PIGB: variants seen among roughly 807,000 people sequenced by gnomAD.
PIGB encodes the protein GPI alpha-1,2-mannosyltransferase 3.
A neutral mutation model predicts 68.4 loss-of-function variants in PIGB; 58 were observed. The ratio of observed to expected loss-of-function variants is 0.85; its 90% CI spans 0.69 to 1.06. The LOEUF is 1.06. PIGB is among the 50% of genes least tolerant of loss of function. The pLI is 0.00. For missense variants in PIGB, 634 were observed against 655.8 expected, an observed-to-expected ratio of 0.97 and a Z score of 0.36; for synonymous variants, 219 against 220.5, an observed-to-expected ratio of 0.99 and a Z score of 0.06.
At chr15:55,353,364 C>T (rs189453967) in intron 10 of PIGB, among the ~76,000 whole-genome samples, 1 of 152,316 alleles carries the variant, frequency 6.6e-6, no homozygotes, top group African/African-American at 2.4e-5. Context: ...GAAACAAGAC[C>T]TTCATTTCCA....
chr15:55,331,513 A>C (rs1402429289), intron 5 of PIGB, among the ~76,000 whole-genome samples: 2 of 152,124 alleles, frequency 1.3e-5, no homozygotes, highest in Non-Finnish European at 2.9e-5. Flanking sequence ...CGGGAGTTCG[A>C]GACCAGCCTG....
chr15:55,354,566 C>T (rs764124197), intron 10 of PIGB: 19 of 431,034 alleles, frequency 4.4e-5, no homozygotes, highest in Non-Finnish European at 5.7e-5. Flanking sequence ...GACTTCTATG[C>T]ACTAGTTTGG....
chr15:55,355,042 T>C, intron 11 of PIGB, 64 bp downstream of exon 11: 1 of 1,318,212 alleles, frequency 7.6e-7, no homozygotes, highest in Non-Finnish European at 1.1e-6. Flanking sequence ...TAGGAAACCC[T>C]CAGGTAAATA....
At position 55,350,917 on chromosome 15, in the gene PIGB, T is replaced by C; in HGVS notation, c.1337+5T>C. Reference sequence around the variant, plus strand: ...CCACTCTACTCCTTATTACAGGTAATAAAAGATGTTCCACTATATGCTGTT... The same window carrying C: ...CCACTCTACTCCTTATTACAGGTAACAAAAGATGTTCCACTATATGCTGTT... On this transcript the variant is annotated splice_donor_5th_base_variant and intron_variant, in intron 10 of 11. Transcript: ENST00000164305. 2.8e-6 allele frequency: 4 copies of C among 1,434,506 alleles called. No homozygotes were observed. The highest frequency in any genetic ancestry group is 3.9e-6 in the Non-Finnish European group (4 of 1,023,480). The allele number at this position is 1,434,506 out of a possible 1,614,324, so 88.9% of individuals were successfully genotyped here. A position where few individuals can be genotyped will look rare whatever the true frequency, so the allele number is the denominator to read the frequency against.
intron 6 of PIGB, among the ~76,000 whole-genome samples, chr15:55,338,869 C>T (rs2055597417): frequency 6.6e-6 from 1 of 152,166 alleles, no homozygotes. Flanking sequence ...TCAGATGAAA[C>T]TGTAGCCCCT....
intron 4 of PIGB, among the ~76,000 whole-genome samples, chr15:55,328,561 C>T (rs1286935929): frequency 6.6e-6 from 1 of 152,152 alleles, no homozygotes; most frequent in East Asian, 1.9e-4. Context: ...CTAATTGATT[C>T]AGCAATATGG....
chr15:55,340,583 T>C, intron 7 of PIGB, 29 bp from the exon 8 acceptor site: 1 of 1,493,550 alleles, frequency 6.7e-7, no homozygotes, highest in South Asian at 1.2e-5. Flanking sequence ...CTAACACATT[T>C]CTATTTATTT....
chr15:55,348,279 C>T (rs1302780489), intron 9 of PIGB: 2 of 152,304 alleles, frequency 1.3e-5, no homozygotes, highest in Admixed American at 6.5e-5. Flanking sequence ...GCCACAGCCC[C>T]CGGCCTTGAA....
chr15:55,322,043 G>A (rs575813375), intron 3 of PIGB, among the ~76,000 whole-genome samples: 24 of 151,880 alleles, frequency 1.6e-4, no homozygotes, highest in Non-Finnish European at 3.2e-4. Flanking sequence ...GTGTGGTCGC[G>A]CATGCCTGTA....
At chr15:55,330,428 T>C (rs1015344116) in intron 5 of PIGB, among the ~76,000 whole-genome samples, 1 of 152,222 alleles carries the variant, frequency 6.6e-6, no homozygotes, top group Non-Finnish European at 1.5e-5. Flanking sequence ...TAGGAAATAC[T>C]TGGACTTTAT....
chr15:55,351,197 T>C (rs2055914746), intron 10 of PIGB, among the ~76,000 whole-genome samples: 1 of 148,992 alleles, frequency 6.7e-6, no homozygotes, highest in Non-Finnish European at 1.5e-5. Context: ...AAGCTCCGCC[T>C]CCCAGGTTCA....
Position 55,355,365 on chromosome 15 carries a change from T to A in PIGB, c.1598T>A (p.Ile533Asn). ...CACACTCACTTGCCAGAGGGTCGAA[T>A]TGGAAGTCACATATATGTCTATGAA... Reference protein sequence around the residue: ...FFHTHLPEGRIGSHIYVYERK... With the variant: ...FFHTHLPEGRNGSHIYVYERK... Residue 533 changes from isoleucine (I) to asparagine (N), a missense_variant, in exon 12 of 12, where the codon ATT becomes AAT. Physicochemically the swap from Ile to Asn is moderately radical, Grantham distance 149. Transcript: ENST00000164305. 2 of 1,611,620 alleles carry A rather than the reference T, an allele frequency of 1.2e-6. No homozygotes were observed. Among genetic ancestry groups the A allele is most frequent in the Non-Finnish European group, 1.7e-6 (2 of 1,177,944 alleles).
At position 55,320,297 on chromosome 15, in the gene PIGB, T is replaced by A. The variant is rs1219450163; in HGVS notation, c.186T>A (p.Tyr62Ter). 6.2e-7 allele frequency: 1 copy of A among 1,613,078 alleles called. No homozygotes were observed. The highest frequency in any genetic ancestry group is 1.1e-5 in the South Asian group (1 of 91,000). Residue 62 changes from tyrosine (Y) to a stop codon, truncating the protein, a stop_gained, in exon 2 of 12, where the codon TAT (tyrosine) becomes TAA (stop). Coordinates refer to ENST00000164305, the MANE Select transcript of PIGB (RefSeq NM_004855.5). LOFTEE classifies it high-confidence loss of function. The part of the protein sequence containing the change: ...RRGDLLGENI[Y>*]LLLFTIALRI... Reference sequence around the variant, plus strand: ...CAGATCTTCTTGGAGAAAATATTTATCTGCTCTTGTTTACCATAGCTTTAC... The same window carrying A: ...CAGATCTTCTTGGAGAAAATATTTAACTGCTCTTGTTTACCATAGCTTTAC...
At chr15:55,348,116 A>C (rs2055841985) in intron 9 of PIGB, among the ~76,000 whole-genome samples, 1 of 149,890 alleles carries the variant, frequency 6.7e-6, no homozygotes, top group African/African-American at 2.5e-5. Context: ...AGCCTGCCTC[A>C]GCTGGGACTA....
At chr15:55,340,992 C>T (rs1180782022) in intron 8 of PIGB, among the ~76,000 whole-genome samples, 169 bp downstream of exon 8, 1 of 151,526 alleles carries the variant, frequency 6.6e-6, no homozygotes, top group Admixed American at 6.6e-5. Flanking sequence ...AGAGTGAATA[C>T]TTTAGATATG....
intron 5 of PIGB, among the ~76,000 whole-genome samples, chr15:55,331,248 G>A (rs934142703): frequency 9.2e-5 from 14 of 152,008 alleles, no homozygotes; most frequent in Non-Finnish European, 1.6e-4. Flanking sequence ...TTTCACACTG[G>A]CCAGCCTTAG....
At position 55,329,751 on chromosome 15, in the gene PIGB, A is replaced by G; in HGVS notation, c.550A>G (p.Thr184Ala). Residue 184 changes from threonine to alanine, a missense_variant, in exon 5 of 12, where the codon ACA (threonine) becomes GCA (alanine). Thr to Ala is a moderately conservative substitution (Grantham distance 58). Coordinates refer to ENST00000164305, the MANE Select transcript of PIGB (RefSeq NM_004855.5). ...VFFCQLCSWF[T>A]WYCCTRTLTN... Reference sequence around the variant, plus strand: ...TTTTTGCCAGTTGTGCTCCTGGTTCACATGGTATTGCTGTACCAGAACCCT... The same window carrying G: ...TTTTTGCCAGTTGTGCTCCTGGTTCGCATGGTATTGCTGTACCAGAACCCT... The G allele has an allele frequency of 1.2e-6, 2 of 1,610,828 alleles. No individual in the cohort carries two copies. Among genetic ancestry groups the G allele is most frequent in the Non-Finnish European group, 1.7e-6 (2 of 1,178,354 alleles).
rs148388509 is a variant in PIGB, at chr15:55,339,247, A to G, written c.795-20A>G. 4.4e-5 allele frequency: 67 copies of G among 1,536,836 alleles called. No homozygotes were observed. In the African/African-American group the frequency reaches 7.3e-4, roughly 17 times the overall value. On this transcript the variant is annotated intron_variant, in intron 6 of 11. Coordinates refer to ENST00000164305, the MANE Select transcript of PIGB (RefSeq NM_004855.5). ...CAGCAAGCTCCAAATGTGAATCACT[A>G]TGCTATTTTTGTTTTTCAGCTTTGT...
At position 55,355,351 on chromosome 15, in the gene PIGB, G is replaced by A. The variant is rs1202042495; in HGVS notation, c.1584G>A (p.Leu528=). Residue 528 remains leucine (L), a synonymous_variant, in exon 12 of 12, where the codon TTG becomes TTA. Coordinates refer to ENST00000164305, the MANE Select transcript of PIGB (RefSeq NM_004855.5). ...KRTAVFFHTH[L]PEGRIGSHIY... ...CTGCTGTTTTCTTCCACACTCACTT[G>A]CCAGAGGGTCGAATTGGAAGTCACA... 1 of 1,610,482 alleles carries A rather than the reference G, an allele frequency of 6.2e-7. No individual in the cohort carries two copies. The highest frequency in any genetic ancestry group is 1.3e-5 in the African/African-American group (1 of 74,814).
Sources: allele counts gnomAD v4.1 joint callset (sites outside exome capture counted in the v4.1 genomes callset), GRCh38; gene constraint gnomAD v4.1.1; transcripts MANE v1.5; gene names NCBI Gene and HGNC (gene_info 2026-07-23, HGNC 2026-07-21).